The following DGKK variants were observed in gnomAD, a reference collection of about 807,000 sequenced individuals.
DGKK encodes the protein diacylglycerol kinase kappa.
A neutral mutation model predicts 92.2 loss-of-function variants in DGKK; 35 were observed. That is an observed-to-expected ratio of 0.38 (90% CI 0.29 to 0.50). The LOEUF (loss-of-function observed/expected upper bound fraction) is 0.50. Among genes scored for constraint, DGKK ranks in the 20% least tolerant of loss-of-function variants. The pLI is 0.92. For synonymous variants in DGKK, 368 were observed against 360.6 expected (o/e 1.02, Z -0.23); for missense variants, 910 against 992.2 (o/e 0.92, Z 1.11).
At chrX:50,421,423 T>C in intron 3 of DGKK, among the ~76,000 whole-genome samples, 1 of 112,037 alleles carries the variant, frequency 8.9e-6, no homozygotes, top group Non-Finnish European at 1.9e-5. Flanking sequence ...TCGATGGAAA[T>C]AGGAGCTAGT....
chrX:50,405,216 T>C (rs782559716), intron 4 of DGKK, among the ~76,000 whole-genome samples: 3 of 111,985 alleles, frequency 2.7e-5, no homozygotes, highest in South Asian at 7.5e-4. Flanking sequence ...CTTAACATTT[T>C]TTGTTAAATG....
chrX:50,429,000 G>A (rs1215202492), intron 1 of DGKK, among the ~76,000 whole-genome samples: 1 of 111,805 alleles, frequency 8.9e-6, no homozygotes. Context: ...AACTGAACAA[G>A]GTCCTGAGGC....
At position 50,470,489 on chromosome X, in the gene DGKK, C is replaced by T. The variant is rs782778214; in HGVS notation, c.190G>A (p.Gly64Ser). The T allele has an allele frequency of 1.6e-6, 2 of 1,212,352 alleles. No homozygotes were observed. The highest frequency in any genetic ancestry group is 3.5e-5 in the South Asian group (2 of 57,053). Reference protein sequence around the residue: ...IPEPCPELAPGPCPEATSESA... With the variant: ...IPEPCPELAPSPCPEATSESA... ...TCTGAGGTCGCCTCTGGACAGGGACCTGGAGCAAGCTCTGGACAGGGCTCT... is the reference window on the plus strand; with the variant it reads ...TCTGAGGTCGCCTCTGGACAGGGACTTGGAGCAAGCTCTGGACAGGGCTCT... Residue 64 changes from glycine (G) to serine (S), a missense_variant, in exon 1 of 28, where the codon GGT becomes AGT. Physicochemically the swap from Gly to Ser is moderately conservative, Grantham distance 56. Coordinates refer to ENST00000611977, the MANE Select transcript of DGKK (RefSeq NM_001013742.4).
intron 1 of DGKK, among the ~76,000 whole-genome samples, chrX:50,440,864 C>T (rs1238739572): frequency 8.9e-6 from 1 of 111,973 alleles, no homozygotes; most frequent in Non-Finnish European, 1.9e-5. Context: ...TTTTGGAAAA[C>T]CAAAAGAACT....
intron 2 of DGKK, among the ~76,000 whole-genome samples, chrX:50,423,782 G>T (rs1925663699): frequency 8.9e-6 from 1 of 112,062 alleles, no homozygotes. Flanking sequence ...AACTGGTGTT[G>T]TATAGTGTGC....
Position 50,433,832 on chromosome X carries a change from C to T in DGKK, c.646-9474G>A, listed in dbSNP as rs911893121. On this transcript the variant is annotated intron_variant, in intron 1 of 27. Transcript: ENST00000611977. ...AGTTGCTGCTTGCCTAGAAAAGAAG[C>T]GTTTTGGTCACACAAAGTTCCTCCA... Among the ~76,000 whole-genome samples the T allele has an allele frequency of 1.2e-4, 13 of 111,198 alleles. No individual in the cohort carries two copies. The South Asian group carries it at 1.6e-3, about 13-fold the overall frequency.
intron 8 of DGKK, 65 bp from the exon 9 acceptor site, chrX:50,393,400 G>T: frequency 1.1e-6 from 1 of 923,785 alleles, no homozygotes; most frequent in South Asian, 2.5e-5. Flanking sequence ...AACGAGACAT[G>T]ACTTAACATC....
intron 4 of DGKK, among the ~76,000 whole-genome samples, chrX:50,406,504 T>A (rs1934187): frequency 0.31 from 34,668 of 110,418 alleles, 4,098 homozygotes; most frequent in Admixed American, 0.42. Context: ...CAATGACTGG[T>A]ATCCTTATAA....
intron 12 of DGKK, among the ~76,000 whole-genome samples, chrX:50,389,519 A>G (rs1318190207): frequency 8.9e-6 from 1 of 112,250 alleles, no homozygotes; most frequent in Non-Finnish European, 1.9e-5. Context: ...TAAAGCACGC[A>G]TAGGAAAATG....
At chrX:50,373,783 A>C (rs1248600524) in intron 25 of DGKK, among the ~76,000 whole-genome samples, 1 of 112,424 alleles carries the variant, frequency 8.9e-6, no homozygotes, top group Non-Finnish European at 1.9e-5. Flanking sequence ...TCAGGGCCTT[A>C]CCAGCCAACC....
chrX:50,457,622 T>C (rs1926640485), intron 1 of DGKK, among the ~76,000 whole-genome samples: 1 of 111,861 alleles, frequency 8.9e-6, no homozygotes, highest in African/African-American at 3.3e-5. Flanking sequence ...ATTAAAGTTA[T>C]GTAGAATTAG....
chrX:50,449,781 C>T (rs1292527822), intron 1 of DGKK, among the ~76,000 whole-genome samples: 1 of 111,864 alleles, frequency 8.9e-6, no homozygotes, highest in Non-Finnish European at 1.9e-5. Flanking sequence ...AGCTACAGTA[C>T]TTTAACTTTT....
chrX:50,452,070 T>G (rs1926506992), intron 1 of DGKK, among the ~76,000 whole-genome samples: 1 of 112,015 alleles, frequency 8.9e-6, no homozygotes, highest in Non-Finnish European at 1.9e-5. Flanking sequence ...ATATGTCATT[T>G]GATCCTTAGA....
intron 1 of DGKK, among the ~76,000 whole-genome samples, chrX:50,462,256 C>T (rs1177823862): frequency 1.8e-5 from 2 of 110,785 alleles, no homozygotes; most frequent in Non-Finnish European, 3.8e-5. Context: ...CAGCGGGAAG[C>T]CAGCCTGGGA....
intron 8 of DGKK, among the ~76,000 whole-genome samples, chrX:50,395,145 G>A (rs958502735): frequency 6.3e-5 from 7 of 111,265 alleles, no homozygotes; most frequent in Non-Finnish European, 1.3e-4. Flanking sequence ...GACTTGAGAC[G>A]TCACGAGTCA....
chrX:50,470,625 C>T lies in DGKK; in HGVS notation c.54G>A (p.Glu18=). The part of the protein sequence containing the change: ...AQGTAPPQDG[E]QPAESPEPPP... ...GAGGCTCTGGAGACTCAGCGGGCTG[C>T]TCTCCATCCTGAGGCGGGGCAGTGC... The change falls in exon 1 of 28, where the codon GAG becomes GAA. Residue 18 remains glutamate, a synonymous_variant. Coordinates refer to ENST00000611977, the MANE Select transcript of DGKK (RefSeq NM_001013742.4). 8.6e-7 allele frequency: 1 copy of T among 1,163,007 alleles called. No homozygotes were observed. The highest frequency in any genetic ancestry group is 1.1e-6 in the Non-Finnish European group (1 of 876,680).
intron 7 of DGKK, 45 bp from the exon 8 acceptor site, chrX:50,401,184 G>T: frequency 1.9e-6 from 2 of 1,038,707 alleles, no homozygotes; most frequent in Non-Finnish European, 1.3e-6. Flanking sequence ...GAGGGGGAGA[G>T]AAAAGGATAT....
chrX:50,397,020 C>G (rs1321540816), intron 8 of DGKK, among the ~76,000 whole-genome samples: 1 of 111,841 alleles, frequency 8.9e-6, no homozygotes, highest in African/African-American at 3.3e-5. Context: ...GCTGACTGGT[C>G]AAAGTCCAGG....
intron 1 of DGKK, among the ~76,000 whole-genome samples, chrX:50,459,864 T>A (rs781845108): frequency 9.0e-6 from 1 of 111,639 alleles, no homozygotes; most frequent in Admixed American, 9.5e-5. Flanking sequence ...ACTTGCTAAT[T>A]TTCTGAAATC....
Sources: gnomAD v4.1 joint callset for allele counts (sites outside exome capture counted in the v4.1 genomes callset) on GRCh38, gnomAD v4.1.1 for gene constraint, MANE v1.5 for transcripts, NCBI Gene and HGNC (gene_info 2026-07-23, HGNC 2026-07-21) for gene names.